EPB41L2: variants seen among roughly 807,000 people sequenced by gnomAD.
EPB41L2 encodes erythrocyte membrane protein band 4.1 like 2, also known as band 4.1-like protein 2.
In EPB41L2, 43 loss-of-function variants were observed where a neutral mutation model predicts 113.0. The ratio of observed to expected loss-of-function variants is 0.38; its 90% CI spans 0.30 to 0.49. EPB41L2 has a LOEUF of 0.49. EPB41L2 is among the 20% of genes least tolerant of loss of function. The pLI is 0.95. For missense variants in EPB41L2, 1,147 were observed against 1,223.4 expected, an observed-to-expected ratio of 0.94 and a Z score of 0.93; for synonymous variants, 442 against 436.7, an observed-to-expected ratio of 1.01 and a Z score of -0.15.
Position 130,956,156 on chromosome 6 carries a change from C to A in EPB41L2, c.330G>T (p.Gln110His). 1.2e-6 allele frequency: 2 copies of A among 1,614,190 alleles called. No homozygotes were observed. The highest frequency in any genetic ancestry group is 3.3e-4 in the Middle Eastern group (2 of 6,062). The change falls in exon 2 of 20, where the codon CAG becomes CAT. Residue 110 changes from glutamine to histidine, a missense_variant. Physicochemically the swap from Gln to His is conservative, Grantham distance 24. Transcript: ENST00000337057. The stretch of plus-strand genomic sequence containing the variant: ...GAAGGGGTTCCTCTTTATCTAAGAC[C>A]TGTTCTTCAACAACAGCTTGGGTAG... ...KEPTQAVVEE[Q>H]VLDKEEPLPE...
chr6:131,000,289 T>C (rs559183805), intron 1 of EPB41L2, among the ~76,000 whole-genome samples: 1 of 152,260 alleles, frequency 6.6e-6, no homozygotes, highest in Non-Finnish European at 1.5e-5. Flanking sequence ...GAACACAGAA[T>C]GCCTGGAAAA....
intron 14 of EPB41L2, among the ~76,000 whole-genome samples, chr6:130,870,927 T>C (rs1266635519): frequency 2.0e-5 from 3 of 152,290 alleles, no homozygotes; most frequent in South Asian, 2.1e-4. Context: ...CCAATTCGTA[T>C]CATAGGTTGG....
At chr6:130,851,920 C>A (rs1295319263) in intron 19 of EPB41L2, among the ~76,000 whole-genome samples, 1 of 152,142 alleles carries the variant, frequency 6.6e-6, no homozygotes, top group Non-Finnish European at 1.5e-5. Context: ...GATAACACAG[C>A]TCAAAACACA....
chr6:130,886,376 T>C (rs917661312), intron 11 of EPB41L2, among the ~76,000 whole-genome samples: 1 of 152,152 alleles, frequency 6.6e-6, no homozygotes, highest in Admixed American at 6.5e-5. Flanking sequence ...TTTGCTCCCA[T>C]TTGCTTGAAC....
chr6:131,050,024 C>T (rs972032562), intron 1 of EPB41L2, among the ~76,000 whole-genome samples: 2 of 152,092 alleles, frequency 1.3e-5, no homozygotes, highest in Admixed American at 6.6e-5. Flanking sequence ...TTGTCAGACC[C>T]GTGGTACAAA....
At chr6:130,948,497 A>T (rs970829206) in intron 3 of EPB41L2, among the ~76,000 whole-genome samples, 1 of 152,214 alleles carries the variant, frequency 6.6e-6, no homozygotes, top group South Asian at 2.1e-4. Flanking sequence ...CTAAAAGAGC[A>T]GCAGTAAAAG....
chr6:130,878,825 T>C (rs539089807), intron 13 of EPB41L2, among the ~76,000 whole-genome samples: 3 of 152,336 alleles, frequency 2.0e-5, no homozygotes, highest in South Asian at 4.1e-4. Flanking sequence ...ATTCCAGTGA[T>C]GGCTTTTAAT....
At chr6:130,985,025 G>A (rs922521187) in intron 1 of EPB41L2, among the ~76,000 whole-genome samples, 1 of 152,136 alleles carries the variant, frequency 6.6e-6, no homozygotes, top group Non-Finnish European at 1.5e-5. Flanking sequence ...GATAGTGACA[G>A]GAGGCAGCCA....
Position 130,843,326 on chromosome 6 carries a change from C to T in EPB41L2, c.*6-2728G>A, listed in dbSNP as rs142065372. Among the ~76,000 whole-genome samples, 32 of 152,254 alleles carry T rather than the reference C, an allele frequency of 2.1e-4. No homozygotes were observed. The East Asian group carries it at 6.0e-3, about 29-fold the overall frequency. ...TTAATATCTGACAATTTTTTACAGG[C>T]TAGAATTTGGGACTAAATGATTTAT... On this transcript the variant is annotated intron_variant, in intron 19 of 19. Transcript: ENST00000337057.
At chr6:130,962,290 G>A (rs35061946) in intron 1 of EPB41L2, among the ~76,000 whole-genome samples, 3,139 of 152,152 alleles carry the variant, frequency 0.021, 51 homozygotes, top group South Asian at 0.061. Flanking sequence ...AGGGGAAGGA[G>A]GAAGTGGGGT....
At position 131,052,883 on chromosome 6, in the gene EPB41L2, T is replaced by A. The variant is rs537910399; in HGVS notation, c.-15+10272A>T. On this transcript the variant is annotated intron_variant, in intron 1 of 19. Transcript: ENST00000337057. The stretch of plus-strand genomic sequence containing the variant: ...CTACAGAAACATCAATTTGAACAAC[T>A]ATCTACACACAAAAATATAAATTTT... 2.0e-3 allele frequency among the ~76,000 whole-genome samples: 305 copies of A among 151,834 alleles called. 2 individuals carry two copies. Among genetic ancestry groups the A allele is most frequent in the Admixed American group, 2.9e-3 (45 of 15,264 alleles).
At chr6:131,018,173 G>A (rs992911421) in intron 1 of EPB41L2, among the ~76,000 whole-genome samples, 6 of 152,132 alleles carry the variant, frequency 3.9e-5, no homozygotes, top group African/African-American at 1.4e-4. Flanking sequence ...CAAGAAACTA[G>A]CCTCCTTTTG....
At chr6:131,028,144 G>A (rs1271790863) in intron 1 of EPB41L2, among the ~76,000 whole-genome samples, 1 of 152,144 alleles carries the variant, frequency 6.6e-6, no homozygotes, top group East Asian at 1.9e-4. Flanking sequence ...CCAATCTAGA[G>A]CAACATCAGG....
At chr6:130,924,720 T>C (rs1203271095) in intron 4 of EPB41L2, among the ~76,000 whole-genome samples, 1 of 152,136 alleles carries the variant, frequency 6.6e-6, no homozygotes, top group Non-Finnish European at 1.5e-5. Flanking sequence ...TTCCACACTG[T>C]TTTCCAGAGT....
chr6:131,003,784 T>G (rs1363068605), intron 1 of EPB41L2, among the ~76,000 whole-genome samples: 1 of 152,236 alleles, frequency 6.6e-6, no homozygotes, highest in African/African-American at 2.4e-5. Flanking sequence ...ATTTTCTTTT[T>G]CCTTTTTTCA....
intron 3 of EPB41L2, among the ~76,000 whole-genome samples, chr6:130,934,502 T>G (rs1487675203): frequency 6.6e-6 from 1 of 152,212 alleles, no homozygotes; most frequent in Non-Finnish European, 1.5e-5. Flanking sequence ...AGATGGGGTC[T>G]TGCTCTGTTG....
chr6:130,954,177 C>T (rs9492769), intron 3 of EPB41L2, among the ~76,000 whole-genome samples: 2,654 of 150,856 alleles, frequency 0.018, 70 homozygotes, highest in African/African-American at 0.059. Flanking sequence ...CTCAGCCTCC[C>T]CAGTAGCTGG....
intron 4 of EPB41L2, among the ~76,000 whole-genome samples, chr6:130,924,753 A>AC (rs758435875): frequency 2.6e-5 from 4 of 152,038 alleles, no homozygotes; most frequent in Non-Finnish European, 4.4e-5. Flanking sequence ...TTACCTTCCT[A>AC]CCCATAGTAC....
intron 1 of EPB41L2, among the ~76,000 whole-genome samples, chr6:130,972,876 G>A (rs1449261003): frequency 7.1e-6 from 1 of 140,784 alleles, no homozygotes; most frequent in Non-Finnish European, 1.5e-5. Flanking sequence ...GGTGGATCAC[G>A]AGGTCAGGGA....
Sources: allele counts gnomAD v4.1 joint callset (sites outside exome capture counted in the v4.1 genomes callset), GRCh38; gene constraint gnomAD v4.1.1; transcripts MANE v1.5; gene names NCBI Gene and HGNC (gene_info 2026-07-23, HGNC 2026-07-21).